Variants in SCN8A observed in about 807,000 individuals in gnomAD.
SCN8A encodes sodium channel protein type 8 subunit alpha.
A neutral mutation model predicts 184.1 loss-of-function variants in SCN8A; 30 were observed. That is an observed-to-expected ratio of 0.16 (90% confidence interval 0.12 to 0.22). The LOEUF is 0.22. SCN8A is among the 10% of genes least tolerant of loss of function. SCN8A has a pLI of 1.00. For missense variants in SCN8A, 1,057 were observed against 2,498.9 expected (o/e 0.42, Z 12.30); for synonymous variants, 852 against 907.0 (o/e 0.94, Z 1.09).
At chr12:51,776,325 C>T (rs757748771) in intron 20 of SCN8A, among the ~76,000 whole-genome samples, 119 of 152,194 alleles carry the variant, frequency 7.8e-4, no homozygotes, top group Non-Finnish European at 1.2e-3. Context: ...GGGTAAAGAG[C>T]ATAGGACAGG....
rs1377093609 is a variant in SCN8A, at chr12:51,794,568, T to C, written c.4722T>C (p.Phe1574=). 5 of 1,614,012 alleles carry C rather than the reference T, an allele frequency of 3.1e-6. No individual in the cohort carries two copies. Among genetic ancestry groups the C allele is most frequent in the Non-Finnish European group, 4.2e-6 (5 of 1,179,892 alleles). The change falls in exon 26 of 27, where the codon TTT becomes TTC. Residue 1574 remains phenylalanine, a synonymous_variant. Coordinates refer to ENST00000627620, the MANE Select transcript of SCN8A (RefSeq NM_001330260.2). ...FFTCECVLKM[F]ALRHYYFTIG... ...CCTGTGAGTGTGTGCTCAAAATGTT[T>C]GCGTTGAGGCACTACTACTTCACCA...
In SCN8A at chr12:51,770,699, G is replaced by GA. The variant is rs1276271712; in HGVS notation, c.3645+17dup. 1 of 1,610,884 alleles carries GA rather than the reference G, an allele frequency of 6.2e-7. No individual in the cohort carries two copies. The highest frequency in any genetic ancestry group is 1.3e-5 in the African/African-American group (1 of 74,882). On this transcript the variant is annotated intron_variant, in intron 19 of 26. Coordinates refer to ENST00000627620, the MANE Select transcript of SCN8A (RefSeq NM_001330260.2). The stretch of plus-strand genomic sequence containing the variant: ...TGGCGCCCTGGTGAGGTCCAGGGGA[G>GA]AGTGTGAGGAGGGATTGGCTGGGGA...
At chr12:51,667,804 A>G (rs1941061242) in intron 2 of SCN8A, among the ~76,000 whole-genome samples, 1 of 152,148 alleles carries the variant, frequency 6.6e-6, no homozygotes, top group Non-Finnish European at 1.5e-5. Context: ...TAATGGGTAT[A>G]CCGTGTTACA....
chr12:51,798,648 C>T (rs1318172317), intron 26 of SCN8A, among the ~76,000 whole-genome samples: 1 of 152,172 alleles, frequency 6.6e-6, no homozygotes, highest in African/African-American at 2.4e-5. Flanking sequence ...TGTTCATGGG[C>T]CCATTGGGCA....
chr12:51,741,845 C>G (rs919778803), intron 12 of SCN8A, among the ~76,000 whole-genome samples: 6 of 152,060 alleles, frequency 3.9e-5, no homozygotes, highest in African/African-American at 1.4e-4. Context: ...GCTGGGATTA[C>G]AAGCATGTGC....
At chr12:51,700,291 A>G (rs1464784966) in intron 7 of SCN8A, among the ~76,000 whole-genome samples, 2 of 152,196 alleles carry the variant, frequency 1.3e-5, no homozygotes, top group Non-Finnish European at 2.9e-5. Context: ...GAAGCTCTCA[A>G]ACATCAGCCC....
At chr12:51,649,080 A>T (rs770129729) in intron 1 of SCN8A, among the ~76,000 whole-genome samples, 2 of 152,232 alleles carry the variant, frequency 1.3e-5, no homozygotes, top group African/African-American at 4.8e-5. Flanking sequence ...TATAGGGCCC[A>T]TGCAAGTCCG....
At chr12:51,739,322 T>A (rs540923367) in intron 12 of SCN8A, among the ~76,000 whole-genome samples, 2 of 152,186 alleles carry the variant, frequency 1.3e-5, no homozygotes, top group African/African-American at 4.8e-5. Context: ...TGAATAGAAC[T>A]AAGAGCCGTC....
chr12:51,720,599 TATA>T (rs1003597791), intron 11 of SCN8A, among the ~76,000 whole-genome samples: 7 of 151,490 alleles, frequency 4.6e-5, no homozygotes, highest in African/African-American at 1.2e-4. Flanking sequence ...GAACTTAAAG[TATA>T]ATAATAATAA....
chr12:51,758,568 G>T (rs1444117007), intron 14 of SCN8A, among the ~76,000 whole-genome samples: 1 of 152,158 alleles, frequency 6.6e-6, no homozygotes, highest in Non-Finnish European at 1.5e-5. Flanking sequence ...CTCCAGAATA[G>T]CTGGGATTAT....
chr12:51,806,908 C>T lies in SCN8A; in HGVS notation c.5422C>T (p.Leu1808=). 1 of 1,613,290 alleles carries T rather than the reference C, an allele frequency of 6.2e-7. No individual in the cohort carries two copies. The highest frequency in any genetic ancestry group is 8.5e-7 in the Non-Finnish European group (1 of 1,179,332). The part of the protein sequence containing the change: ...DATQFIEYCK[L]ADFADALEHP... ...CACCCAGTTCATTGAGTACTGTAAGCTGGCAGACTTTGCAGATGCCTTGGA... is the reference window on the plus strand; with the variant it reads ...CACCCAGTTCATTGAGTACTGTAAGTTGGCAGACTTTGCAGATGCCTTGGA... The change falls in exon 27 of 27, where the codon CTG becomes TTG. Residue 1808 remains leucine, a synonymous_variant. Coordinates refer to ENST00000627620, the MANE Select transcript of SCN8A (RefSeq NM_001330260.2). The surrounding 1 kb of genome is among the most constrained non-coding windows in gnomAD (Gnocchi z 8.7).
At chr12:51,598,567 A>C (rs1279558817) in intron 1 of SCN8A, among the ~76,000 whole-genome samples, 1 of 152,198 alleles carries the variant, frequency 6.6e-6, no homozygotes, top group Non-Finnish European at 1.5e-5. Context: ...CATTTAATAC[A>C]AAAACATTTT....
chr12:51,722,050 C>A, intron 12 of SCN8A, 142 bp downstream of exon 12: 1 of 1,294,080 alleles, frequency 7.7e-7, no homozygotes, highest in South Asian at 1.3e-5. Context: ...GGACCCCACT[C>A]CTGTTAACAC....
chr12:51,694,324 G>A (rs904717466), intron 6 of SCN8A, among the ~76,000 whole-genome samples: 2 of 152,216 alleles, frequency 1.3e-5, no homozygotes, highest in African/African-American at 4.8e-5. Flanking sequence ...CACATAGGCA[G>A]GCATTGTTCA....
Position 51,810,023 on chromosome 12 carries a change from C to T in SCN8A, c.*2594C>T, listed in dbSNP as rs563338552. ...TGTTCTTAGGTCTTGAGATGGGCAA[C>T]AGAGCTGTAAGATCCCGCCAAGTAC... On this transcript the variant is annotated 3_prime_UTR_variant, in exon 27 of 27. Transcript: ENST00000627620. The T allele has an allele frequency of 6.5e-6, 1 of 153,240 alleles. No homozygotes were observed. The highest frequency in any genetic ancestry group is 1.9e-4 in the East Asian group (1 of 5,200). The allele number at this position is 153,240 out of a possible 1,614,324, so 9.5% of individuals were successfully genotyped here.
At chr12:51,621,021 C>T (rs928640864) in intron 1 of SCN8A, among the ~76,000 whole-genome samples, 2 of 151,930 alleles carry the variant, frequency 1.3e-5, no homozygotes, top group South Asian at 2.1e-4. Flanking sequence ...TCAGAAACCA[C>T]GGTGGAGCAG....
At chr12:51,591,414 C>A (rs1053756200) in intron 1 of SCN8A, 55 bp downstream of exon 1, 12 of 153,166 alleles carry the variant, frequency 7.8e-5, no homozygotes, top group South Asian at 1.8e-4. Flanking sequence ...CCGGGTTTCC[C>A]TTCTCGCCTC....
chr12:51,628,138 G>GA (rs1940120605), intron 1 of SCN8A, among the ~76,000 whole-genome samples: 1 of 152,206 alleles, frequency 6.6e-6, no homozygotes, highest in African/African-American at 2.4e-5. Context: ...TTAGGGAACA[G>GA]AAGGGCATGC....
In SCN8A at chr12:51,749,659, C is replaced by A. The variant is rs1565910124; in HGVS notation, c.2132-1696C>A. 4.6e-5 allele frequency among the ~76,000 whole-genome samples: 7 copies of A among 152,174 alleles called. No individual in the cohort carries two copies. The South Asian group carries it at 1.5e-3, about 32-fold the overall frequency. ...GTGGCGCTTACAGGGGTCCTTAAATCTGAAAAACCAAGGCAACCATTTTCT... is the reference window on the plus strand; with the variant it reads ...GTGGCGCTTACAGGGGTCCTTAAATATGAAAAACCAAGGCAACCATTTTCT... On this transcript the variant is annotated intron_variant, in intron 13 of 26. Coordinates refer to ENST00000627620, the MANE Select transcript of SCN8A (RefSeq NM_001330260.2).
Sources: allele counts gnomAD v4.1 joint callset (sites outside exome capture counted in the v4.1 genomes callset), GRCh38; gene constraint gnomAD v4.1.1; non-coding constraint Gnocchi (gnomAD v3.1); transcripts MANE v1.5; gene names NCBI Gene and HGNC (gene_info 2026-07-23, HGNC 2026-07-21).